The following CELF2 variants were observed in gnomAD, a reference collection of about 807,000 sequenced individuals.
CELF2 encodes the protein CUGBP Elav-like family member 2.
A neutral mutation model predicts 62.6 loss-of-function variants in CELF2; 8 were observed. The ratio of observed to expected loss-of-function variants is 0.13; its 90% CI spans 0.07 to 0.23. The LOEUF (loss-of-function observed/expected upper bound fraction) is 0.23. CELF2 is among the 10% of genes least tolerant of loss of function. CELF2 has a pLI of 1.00. For missense variants in CELF2, 333 were observed against 671.0 expected (o/e 0.50, Z 5.56); for synonymous variants, 258 against 250.0 (o/e 1.03, Z -0.30).
chr10:10,737,287 G>A, the CELF2 span, among the ~76,000 whole-genome samples: 1 of 152,012 alleles, frequency 6.6e-6, no homozygotes, highest in Non-Finnish European at 1.5e-5. Context: ...GGGGATTCTA[G>A]TACTTTATAT....
At chr10:11,095,629 G>T (rs2049621965) in intron 1 of CELF2, among the ~76,000 whole-genome samples, 1 of 152,184 alleles carries the variant, frequency 6.6e-6, no homozygotes. Flanking sequence ...CAGCATCTCA[G>T]CTTGGGAAAA....
At chr10:10,752,107 T>C in the CELF2 span, among the ~76,000 whole-genome samples, 1 of 152,228 alleles carries the variant, frequency 6.6e-6, no homozygotes, top group Non-Finnish European at 1.5e-5. Context: ...CGAAGGTTGC[T>C]TCTCAGAATT....
chr10:11,285,619 A>G lies in CELF2; in HGVS notation c.842-2799A>G, dbSNP rs1408194770. On this transcript the variant is annotated intron_variant, in intron 8 of 12. Coordinates refer to ENST00000633077, the MANE Select transcript of CELF2 (RefSeq NM_001326342.2). This position sits in a 1 kb window ranked among gnomAD's most constrained non-coding sequence, Gnocchi z 4.3. ...CATGGGCCCTAGTAAGTATCTGTAC[A>G]GTGGATTAGTTAATGATTGAGAGGA... 7.2e-5 allele frequency among the ~76,000 whole-genome samples: 11 copies of G among 152,190 alleles called. No individual in the cohort carries two copies. The highest frequency in any genetic ancestry group is 1.5e-4 in the Non-Finnish European group (10 of 68,026).
intron 1 of CELF2, chr10:11,030,739 T>C (rs887969086): frequency 1.6e-4 from 24 of 152,248 alleles, no homozygotes; most frequent in African/African-American, 5.5e-4. Flanking sequence ...GAGTGTGAAA[T>C]ACAGGTTCTT....
Position 11,319,828 on chromosome 10 carries a change from A to G in CELF2, c.1097-1361A>G, listed in dbSNP as rs1234801109. 2.1e-6 allele frequency: 1 copy of G among 471,118 alleles called. No individual in the cohort carries two copies. 29.2% of individuals were successfully genotyped at this position (471,118 alleles called of 1,614,324 possible). ...TTTAATTGAAGAGGCGAAGTTGGCC[A>G]AATAGAAGCACAAGTGGAGTAAACA... On this transcript the variant is annotated intron_variant, in intron 10 of 12. Transcript: ENST00000633077. The surrounding 1 kb of genome is among the most constrained non-coding windows in gnomAD (Gnocchi z 4.4).
the CELF2 span, among the ~76,000 whole-genome samples, chr10:10,645,249 G>C: frequency 2.6e-5 from 4 of 152,290 alleles, no homozygotes; most frequent in African/African-American, 9.6e-5. Flanking sequence ...TTCACTTTCA[G>C]GGGCTGGCTG....
chr10:10,617,930 A>G, the CELF2 span, among the ~76,000 whole-genome samples: 4 of 152,100 alleles, frequency 2.6e-5, no homozygotes, highest in Non-Finnish European at 4.4e-5. Context: ...ACCAGAAAGC[A>G]CAAGGCTCTA....
chr10:11,251,733 C>T (rs1235175407), intron 4 of CELF2, among the ~76,000 whole-genome samples: 2 of 152,126 alleles, frequency 1.3e-5, no homozygotes, highest in Non-Finnish European at 2.9e-5. Flanking sequence ...TTGTAATGCC[C>T]GTCTTACAAG....
At chr10:10,807,022 C>A (rs1213575109) in intron 1 of CELF2, among the ~76,000 whole-genome samples, 1 of 152,166 alleles carries the variant, frequency 6.6e-6, no homozygotes, top group East Asian at 1.9e-4. Context: ...TGTTTCTTGT[C>A]TCATTAAACT....
At chr10:11,093,218 C>T (rs1213737573) in intron 1 of CELF2, among the ~76,000 whole-genome samples, 1 of 151,310 alleles carries the variant, frequency 6.6e-6, no homozygotes, top group Admixed American at 6.6e-5. Context: ...GACATTTGGT[C>T]TGTTCCCTCT....
At position 11,008,367 on chromosome 10, in the gene CELF2, C is replaced by T. The variant is rs1401431465; in HGVS notation, c.53+2927C>T. 1.3e-5 allele frequency among the ~76,000 whole-genome samples: 2 copies of T among 152,140 alleles called. No individual in the cohort carries two copies. The highest frequency in any genetic ancestry group is 2.9e-5 in the Non-Finnish European group (2 of 68,024). Reference sequence around the variant, plus strand: ...CAGACCACAGACTGAGATCTCTAACCCCCTGTGTATGAATATTCCTTGATT... The same window carrying T: ...CAGACCACAGACTGAGATCTCTAACTCCCTGTGTATGAATATTCCTTGATT... On this transcript the variant is annotated intron_variant, in intron 1 of 12. Transcript: ENST00000416382. The surrounding 1 kb of genome is among the most constrained non-coding windows in gnomAD (Gnocchi z 4.5).
At chr10:10,849,291 TC>T (rs1281253360) in intron 1 of CELF2, among the ~76,000 whole-genome samples, 3 of 150,468 alleles carry the variant, frequency 2.0e-5, no homozygotes, top group African/African-American at 7.3e-5. Flanking sequence ...GCACCTGTAG[TC>T]CCAGCTACTT....
the CELF2 span, among the ~76,000 whole-genome samples, chr10:10,774,572 T>A: frequency 6.6e-6 from 1 of 152,234 alleles, no homozygotes; most frequent in Non-Finnish European, 1.5e-5. Flanking sequence ...CCATGTGAGA[T>A]GTGCTGGCTT....
At chr10:10,525,637 C>T in the CELF2 span, among the ~76,000 whole-genome samples, 2 of 152,202 alleles carry the variant, frequency 1.3e-5, no homozygotes, top group African/African-American at 4.8e-5. Flanking sequence ...TCCAAGTTCA[C>T]CCGTGTTGTC....
At chr10:11,002,833 G>A (rs575035965), upstream of CELF2, among the ~76,000 whole-genome samples, 9 of 152,172 alleles carry the variant, frequency 5.9e-5, no homozygotes, top group South Asian at 1.9e-3. The surrounding 1 kb of genome is among the most constrained non-coding windows in gnomAD (Gnocchi z 4.4). Flanking sequence ...ATAGTTGTTA[G>A]AGAAATGGCA....
the CELF2 span, among the ~76,000 whole-genome samples, chr10:10,493,578 C>T: frequency 6.6e-6 from 1 of 150,386 alleles, no homozygotes; most frequent in Non-Finnish European, 1.5e-5. Context: ...GTTGCCCAGG[C>T]TGGAGTGCAG....
Position 11,274,721 on chromosome 10 carries a change from A to C in CELF2, c.778-336A>C, listed in dbSNP as rs553428735. Among the ~76,000 whole-genome samples the C allele has an allele frequency of 3.3e-5, 5 of 152,356 alleles. No individual in the cohort carries two copies. The South Asian group carries it at 1.0e-3, about 32-fold the overall frequency. ...AGAGGGAGGGAATGGACCCTGATTG[A>C]CAGAGATGAGTTACGGTAACTGCTA... On this transcript the variant is annotated intron_variant, in intron 7 of 12. Coordinates refer to ENST00000633077, the MANE Select transcript of CELF2 (RefSeq NM_001326342.2).
the CELF2 span, among the ~76,000 whole-genome samples, chr10:10,782,376 C>G: frequency 6.6e-6 from 1 of 152,152 alleles, no homozygotes; most frequent in Non-Finnish European, 1.5e-5. Flanking sequence ...CCAGCTCAAT[C>G]AGTGAGGCAG....
intron 1 of CELF2, among the ~76,000 whole-genome samples, chr10:11,112,103 A>G (rs1056973686): frequency 6.6e-6 from 1 of 152,230 alleles, no homozygotes; most frequent in African/African-American, 2.4e-5. Context: ...ATATACATGG[A>G]ATAGTACAGC....
Sources: gnomAD v4.1 joint callset for allele counts (sites outside exome capture counted in the v4.1 genomes callset) on GRCh38, gnomAD v4.1.1 for gene constraint, Gnocchi (gnomAD v3.1) non-coding constraint, MANE v1.5 for transcripts, NCBI Gene and HGNC (gene_info 2026-07-23, HGNC 2026-07-21) for gene names.